PAK2: variants seen among roughly 807,000 people sequenced by gnomAD.
PAK2 encodes the protein p21 (RAC1) activated kinase 2, also known as serine/threonine-protein kinase PAK 2.
In PAK2, 21 loss-of-function variants were observed where a neutral mutation model predicts 65.9. The ratio of observed to expected loss-of-function variants is 0.32; its 90% CI spans 0.23 to 0.46. The LOEUF (loss-of-function observed/expected upper bound fraction) is 0.46. Among genes scored for constraint, PAK2 ranks in the 20% least tolerant of loss-of-function variants. The probability of loss-of-function intolerance (pLI) is 1.00; values close to 1 mark genes in which losing one functional copy is unlikely to be tolerated. For synonymous variants in PAK2, 204 were observed against 219.7 expected (o/e 0.93, Z 0.63); for missense variants, 324 against 642.6 (o/e 0.50, Z 5.36).
At chr3:196,783,318 T>C (rs1392592647) in intron 2 of PAK2, among the ~76,000 whole-genome samples, 2 of 152,136 alleles carry the variant, frequency 1.3e-5, no homozygotes, top group African/African-American at 2.4e-5. Flanking sequence ...CTCAGCAAAA[T>C]ATATGTCTAG....
At chr3:196,775,413 C>T (rs962550095) in intron 1 of PAK2, among the ~76,000 whole-genome samples, 33 of 152,170 alleles carry the variant, frequency 2.2e-4, no homozygotes, top group African/African-American at 7.7e-4. Flanking sequence ...GACGGAATCT[C>T]ACTCTGTGGC....
intron 12 of PAK2, 76 bp downstream of exon 12, chr3:196,818,232 C>A: frequency 3.0e-6 from 2 of 661,058 alleles, no homozygotes; most frequent in Middle Eastern, 2.5e-4. Flanking sequence ...CTTTTCTTGA[C>A]CAATGCAAGG....
intron 11 of PAK2, among the ~76,000 whole-genome samples, chr3:196,815,706 G>A (rs575354843): frequency 1.3e-5 from 2 of 151,692 alleles, no homozygotes; most frequent in East Asian, 1.9e-4. Flanking sequence ...AGATTAGCTT[G>A]AACCCAAGAG....
At chr3:196,764,055 G>A (rs376655873) in intron 1 of PAK2, among the ~76,000 whole-genome samples, 10 of 151,036 alleles carry the variant, frequency 6.6e-5, no homozygotes, top group Admixed American at 4.0e-4. Flanking sequence ...TGATCCACCT[G>A]CCTCCGAAAG....
rs1712017357 is a variant in PAK2 at position 196,830,045 on chromosome 3, C to T, written c.*1640C>T. On this transcript the variant is annotated 3_prime_UTR_variant, in exon 15 of 15. Coordinates refer to ENST00000327134, the MANE Select transcript of PAK2 (RefSeq NM_002577.4). ...CATCCCCTTCCCCCATTAACTTCCC[C>T]CCTGCTTGCCATCCTGCAGTAGTAT... The T allele has an allele frequency of 6.6e-6, 1 of 150,606 alleles. No individual in the cohort carries two copies. Among genetic ancestry groups the T allele is most frequent in the African/African-American group, 2.4e-5 (1 of 40,850 alleles). The allele number at this position is 150,606 out of a possible 1,614,324, so 9.3% of individuals were successfully genotyped here. A position where few individuals can be genotyped will look rare whatever the true frequency, so the allele number is the denominator to read the frequency against.
intron 2 of PAK2, among the ~76,000 whole-genome samples, chr3:196,786,761 A>G (rs1577721287): frequency 6.6e-6 from 1 of 150,984 alleles, no homozygotes; most frequent in South Asian, 2.1e-4. Flanking sequence ...GCTTTATTCC[A>G]TTAGGTTATT....
chr3:196,805,017 T>C (rs1715543019), intron 4 of PAK2, among the ~76,000 whole-genome samples: 1 of 152,038 alleles, frequency 6.6e-6, no homozygotes, highest in African/African-American at 2.4e-5. Flanking sequence ...AATAAATTTG[T>C]TTTGTTTTAA....
At chr3:196,765,171 A>G (rs1242872636) in intron 1 of PAK2, among the ~76,000 whole-genome samples, 20 of 99,442 alleles carry the variant, frequency 2.0e-4, no homozygotes, top group African/African-American at 7.4e-4. Flanking sequence ...TTTTTGAGAC[A>G]GGGTCTCGCT....
intron 1 of PAK2, among the ~76,000 whole-genome samples, chr3:196,770,548 TTG>T (rs1258335948): frequency 6.6e-6 from 1 of 151,834 alleles, no homozygotes; most frequent in Non-Finnish European, 1.5e-5. Context: ...AAAAAAAGAA[TTG>T]TTTGTGTGTA....
rs781741277 is a variant in PAK2 at position 196,820,362 on chromosome 3, G to A, written c.1154-9G>A. 2.3e-5 allele frequency: 35 copies of A among 1,553,088 alleles called. No individual in the cohort carries two copies. Among genetic ancestry groups the A allele is most frequent in the Admixed American group, 1.1e-4 (6 of 53,086 alleles). ...GAAGCCATTAACTCTGTTTTGTTTT[G>A]TTTTGTAGCTGACTTTGGTTTCTGT... On this transcript the variant is annotated splice_polypyrimidine_tract_variant and intron_variant, in intron 12 of 14. Transcript: ENST00000327134. The surrounding 1 kb of genome is among the most constrained non-coding windows in gnomAD (Gnocchi z 4.6).
intron 1 of PAK2, among the ~76,000 whole-genome samples, chr3:196,758,837 T>C (rs944924213): frequency 1.3e-5 from 2 of 152,028 alleles, no homozygotes; most frequent in Non-Finnish European, 2.9e-5. Flanking sequence ...TATATTTTTT[T>C]AGTAGAGACA....
At chr3:196,802,165 A>AGAGAC in intron 3 of PAK2, 138 bp downstream of exon 3, 1 of 622,856 alleles carries the variant, frequency 1.6e-6, no homozygotes, top group Non-Finnish European at 2.9e-6. Context: ...TTGGGAGGCC[A>AGAGAC]AGGCTGGCAG....
At chr3:196,826,356 T>G (rs1282312110) in intron 13 of PAK2, among the ~76,000 whole-genome samples, 1 of 151,882 alleles carries the variant, frequency 6.6e-6, no homozygotes, top group Non-Finnish European at 1.5e-5. Flanking sequence ...TATTTTTTAG[T>G]AGAGACAGGG....
At position 196,783,506 on chromosome 3, in the gene PAK2, C is replaced by T. The variant is rs142713354; in HGVS notation, c.187+673C>T. On this transcript the variant is annotated intron_variant, in intron 2 of 14. Transcript: ENST00000327134. Reference sequence around the variant, plus strand: ...CTGAGGCAGGAGAATCACTTGAATACGGGAGGTGGAGGTTACAGTGAGCCA... The same window carrying T: ...CTGAGGCAGGAGAATCACTTGAATATGGGAGGTGGAGGTTACAGTGAGCCA... Among the ~76,000 whole-genome samples, 3 of 148,840 alleles carry T rather than the reference C, an allele frequency of 2.0e-5. No individual in the cohort carries two copies. In the East Asian group the frequency reaches 5.9e-4, roughly 29 times the overall value.
intron 5 of PAK2, among the ~76,000 whole-genome samples, chr3:196,805,680 C>T (rs1364565571): frequency 6.6e-6 from 1 of 151,984 alleles, no homozygotes; most frequent in Non-Finnish European, 1.5e-5. Flanking sequence ...ATATATTTTC[C>T]TCTCCATCCC....
Position 196,806,699 on chromosome 3 carries a change from C to G in PAK2, c.576+13C>G, listed in dbSNP as rs182661869. 13 of 1,447,440 alleles carry G rather than the reference C, an allele frequency of 9.0e-6. No individual in the cohort carries two copies. In the Admixed American group the frequency reaches 1.3e-4, roughly 15 times the overall value. The allele number at this position is 1,447,440 out of a possible 1,614,324, so 89.7% of individuals were successfully genotyped here. On this transcript the variant is annotated intron_variant, in intron 6 of 14. Transcript: ENST00000327134. The stretch of plus-strand genomic sequence containing the variant: ...TCATACGAAATCAGTGAGTCTCCAT[C>G]GGTGATCTAGGCTGTGTGTGTGCAC...
At chr3:196,825,735 G>A (rs577919907) in intron 13 of PAK2, among the ~76,000 whole-genome samples, 33 of 152,242 alleles carry the variant, frequency 2.2e-4, no homozygotes, top group African/African-American at 7.0e-4. Flanking sequence ...TCTAAAGGGA[G>A]TTGATTAAAT....
chr3:196,826,394 A>G (rs558626995), intron 13 of PAK2, among the ~76,000 whole-genome samples: 24 of 150,822 alleles, frequency 1.6e-4, no homozygotes, highest in East Asian at 3.9e-4. Context: ...GGATGCTCTC[A>G]ATCTCCTGAC....
Position 196,751,663 on chromosome 3 carries a change from T to TATATATATATATATATATATATATATA in PAK2, c.-22+11506_-22+11507insATATATATATATATATATATATATATA, listed in dbSNP as rs1713589849. ...CTGTCCCCCCAAAAAACACACAAAT[T>TATATATATATATATATATATATATATA]TATTTATATACATATATATATATAT... On this transcript the variant is annotated intron_variant, in intron 1 of 14. Coordinates refer to ENST00000327134, the MANE Select transcript of PAK2 (RefSeq NM_002577.4). Among the ~76,000 whole-genome samples, 26 of 45,704 alleles carry TATATATATATATATATATATATATATA rather than the reference T, an allele frequency of 5.7e-4. 2 individuals carry two copies. The highest frequency in any genetic ancestry group is 6.8e-4 in the African/African-American group (6 of 8,778). 30.0% of individuals were successfully genotyped at this position (45,704 alleles called of 152,430 possible).
Sources: allele counts gnomAD v4.1 joint callset (sites outside exome capture counted in the v4.1 genomes callset), GRCh38; gene constraint gnomAD v4.1.1; non-coding constraint Gnocchi (gnomAD v3.1); transcripts MANE v1.5; gene names NCBI Gene and HGNC (gene_info 2026-07-23, HGNC 2026-07-21).